The following EIF4G3 variants were observed in gnomAD, a reference collection of about 807,000 sequenced individuals.
The protein encoded by EIF4G3 is eIF-4-gamma 3.
A neutral mutation model predicts 186.4 loss-of-function variants in EIF4G3; 34 were observed. That is an observed-to-expected ratio of 0.18 (90% CI 0.14 to 0.24). The LOEUF is 0.24. EIF4G3 is among the 10% of genes least tolerant of loss of function. EIF4G3 has a pLI of 1.00. For missense variants in EIF4G3, 1,536 were observed against 1,948.5 expected (o/e 0.79, Z 3.99); for synonymous variants, 673 against 679.5 (o/e 0.99, Z 0.15).
At chr1:20,840,744 T>C in intron 30 of EIF4G3, 112 bp downstream of exon 30, 2 of 969,300 alleles carry the variant, frequency 2.1e-6, no homozygotes, top group South Asian at 1.7e-5. Flanking sequence ...TTACAGTGGA[T>C]ACAATTTTCA....
chr1:21,120,264 CATT>C (rs1396229726), intron 2 of EIF4G3, among the ~76,000 whole-genome samples: 3 of 151,672 alleles, frequency 2.0e-5, no homozygotes, highest in African/African-American at 4.8e-5. Context: ...AATTACACAT[CATT>C]AAGTCTGTTC....
At chr1:21,114,188 C>A (rs1224044292) in intron 2 of EIF4G3, among the ~76,000 whole-genome samples, 4 of 151,554 alleles carry the variant, frequency 2.6e-5, no homozygotes, top group African/African-American at 9.7e-5. Context: ...CGCTCTGTTG[C>A]CAGGCTGGAG....
intron 2 of EIF4G3, among the ~76,000 whole-genome samples, chr1:21,120,094 C>T (rs963943697): frequency 6.6e-6 from 1 of 150,486 alleles, no homozygotes; most frequent in African/African-American, 2.5e-5. Flanking sequence ...CCCAATAGTC[C>T]ATCTGCAAAG....
intron 2 of EIF4G3, among the ~76,000 whole-genome samples, chr1:21,124,543 T>C (rs2102403433): frequency 6.6e-6 from 1 of 152,298 alleles, no homozygotes; most frequent in African/African-American, 2.4e-5. Flanking sequence ...CCAGACTGAC[T>C]TCTGGGAATA....
intron 28 of EIF4G3, among the ~76,000 whole-genome samples, chr1:20,849,985 A>G (rs1460587067): frequency 1.3e-5 from 2 of 152,062 alleles, no homozygotes; most frequent in Non-Finnish European, 1.5e-5. Context: ...TTTCACACCC[A>G]TCCTTGCCTA....
intron 3 of EIF4G3, among the ~76,000 whole-genome samples, chr1:21,086,198 T>TC (rs1317741531): frequency 1.3e-5 from 1 of 77,754 alleles, no homozygotes; most frequent in Admixed American, 2.0e-4. Flanking sequence ...TACATGATAC[T>TC]CTTTTTTTTT....
chr1:20,851,302 T>G lies in EIF4G3; in HGVS notation c.3728A>C (p.Glu1243Ala). The change falls in exon 28 of 37, where the codon GAG becomes GCG. Residue 1243 changes from glutamate to alanine, a missense_variant. Glu to Ala is a moderately radical substitution (Grantham distance 107). Around this residue, in one of 11 missense-constraint regions of EIF4G3, gnomAD observed 395 missense variants for 498.9 expected, o/e 0.79. Transcript: ENST00000602326. The stretch of plus-strand genomic sequence containing the variant: ...TCGCTCAGCCTCAGTGCTGTTCCTC[T>G]CCACATCCACACCTCCTGTGAGCTG... ...VKQLTGGVDV[E>A]RNSTEAERNK... 1 of 1,614,182 alleles carries G rather than the reference T, an allele frequency of 6.2e-7. No homozygotes were observed. Among genetic ancestry groups the G allele is most frequent in the South Asian group, 1.1e-5 (1 of 91,090 alleles).
At chr1:20,972,946 T>G in intron 11 of EIF4G3, 56 bp downstream of exon 11, 1 of 1,401,944 alleles carries the variant, frequency 7.1e-7, no homozygotes, top group East Asian at 2.5e-5. Flanking sequence ...TAAACTTATC[T>G]GATAAGTGAA....
chr1:21,044,390 T>C (rs939161081), intron 4 of EIF4G3, among the ~76,000 whole-genome samples: 2 of 152,312 alleles, frequency 1.3e-5, no homozygotes, highest in East Asian at 3.9e-4. Context: ...ATGGACATGA[T>C]GTGTTTCAAA....
intron 30 of EIF4G3, among the ~76,000 whole-genome samples, chr1:20,838,361 G>T (rs1288497224): frequency 2.0e-5 from 3 of 152,140 alleles, no homozygotes; most frequent in African/African-American, 7.2e-5. Context: ...ATTTTCTGAG[G>T]AATGTAGCAT....
At chr1:21,158,387 G>A (rs2097700179) in intron 2 of EIF4G3, among the ~76,000 whole-genome samples, 1 of 151,378 alleles carries the variant, frequency 6.6e-6, no homozygotes, top group African/African-American at 2.4e-5. Flanking sequence ...TGTTGCCCAG[G>A]GGGGTTTCAA....
intron 3 of EIF4G3, among the ~76,000 whole-genome samples, chr1:21,052,815 G>T (rs1468298278): frequency 1.3e-5 from 2 of 151,882 alleles, no homozygotes; most frequent in Non-Finnish European, 1.5e-5. Flanking sequence ...GCTCCTAACC[G>T]CGAGTGATCC....
intron 24 of EIF4G3, among the ~76,000 whole-genome samples, 175 bp from the exon 25 acceptor site, chr1:20,857,672 G>A (rs570822560): frequency 6.6e-6 from 1 of 152,294 alleles, no homozygotes; most frequent in East Asian, 1.9e-4. Context: ...CCCTGTATCA[G>A]CAGAAGCACC....
Position 21,057,454 on chromosome 1 carries a change from G to A in EIF4G3, c.-195-6460C>T, listed in dbSNP as rs72654825. On this transcript the variant is annotated intron_variant, in intron 3 of 36. Transcript: ENST00000602326. ...TATCCAAAACCGGCAAAACTTGACC[G>A]TATTAGTCAATAGATGTACACATGT... 7.2e-3 allele frequency among the ~76,000 whole-genome samples: 1,098 copies of A among 152,168 alleles called. 5 individuals are homozygous for A. Among genetic ancestry groups the A allele is most frequent in the Middle Eastern group, 0.017 (5 of 294 alleles).
intron 7 of EIF4G3, among the ~76,000 whole-genome samples, chr1:20,982,756 C>G (rs2078568529): frequency 6.6e-6 from 1 of 152,224 alleles, no homozygotes; most frequent in South Asian, 2.1e-4. Context: ...ATCTCATGAT[C>G]ACCCATTTCA....
chr1:20,857,174 A>AAAAAAAAAAAAAG lies in EIF4G3; in HGVS notation c.3339+228_3339+229insCTTTTTTTTTTTT, dbSNP rs1557944626. Among the ~76,000 whole-genome samples the AAAAAAAAAAAAAG allele has an allele frequency of 2.7e-5, 4 of 150,466 alleles. No homozygotes were observed. In the East Asian group the frequency reaches 7.7e-4, roughly 29 times the overall value. On this transcript the variant is annotated intron_variant, in intron 25 of 36. Coordinates refer to ENST00000602326, the MANE Select transcript of EIF4G3 (RefSeq NM_001391906.1). ...TGAGACTCCATCTCAAAAAAAAAAA[A>AAAAAAAAAAAAAG]AAAAAGAAAATGTAGAAATGAGTTT...
At chr1:21,055,657 A>G (rs1052816171) in intron 3 of EIF4G3, among the ~76,000 whole-genome samples, 2 of 152,060 alleles carry the variant, frequency 1.3e-5, no homozygotes, top group African/African-American at 2.4e-5. Flanking sequence ...TACATACCCT[A>G]AAGAAAATCT....
Position 21,122,138 on chromosome 1 carries a change from C to T in EIF4G3, c.-271-32925G>A, listed in dbSNP as rs1350678335. Among the ~76,000 whole-genome samples the T allele has an allele frequency of 3.3e-5, 5 of 152,120 alleles. 1 individual carries two copies. The highest frequency in any genetic ancestry group is 6.5e-5 in the Admixed American group (1 of 15,268). ...ATTCCCCCTCTGGAATGAATTCATG[C>T]ATATGTAAACAATAAACATTAGGAT... is the stretch of plus-strand genomic sequence containing the variant. On this transcript the variant is annotated intron_variant, in intron 2 of 36. Transcript: ENST00000602326.
At chr1:21,050,658 G>C (rs2094157736) in intron 4 of EIF4G3, among the ~76,000 whole-genome samples, 1 of 152,164 alleles carries the variant, frequency 6.6e-6, no homozygotes, top group Non-Finnish European at 1.5e-5. Flanking sequence ...ATCACCAACA[G>C]TTAATTTTTA....
Sources: allele counts gnomAD v4.1 joint callset (sites outside exome capture counted in the v4.1 genomes callset), GRCh38; gene constraint gnomAD v4.1.1; regional missense constraint gnomAD v4.1.1; transcripts MANE v1.5; gene names NCBI Gene and HGNC (gene_info 2026-07-23, HGNC 2026-07-21).